Variants in STX8 observed in about 807,000 individuals in gnomAD.
STX8 encodes syntaxin 8.
STX8 carries 23 observed loss-of-function variants against 37.5 expected under a neutral mutation model. The ratio of observed to expected loss-of-function variants is 0.61; its 90% CI spans 0.44 to 0.87. STX8 has a LOEUF of 0.87. Ranked by LOEUF, STX8 falls within the 40% of genes least tolerant of loss-of-function variation. STX8 has a pLI of 0.00. For synonymous variants in STX8, 115 were observed against 99.1 expected, an observed-to-expected ratio of 1.16 and a Z score of -0.95; for missense variants, 313 against 284.7, an observed-to-expected ratio of 1.10 and a Z score of -0.71.
At chr17:9,465,515 GTGCGTGGTGAAAAGGAAATTT>G (rs1195767238) in intron 6 of STX8, among the ~76,000 whole-genome samples, 1 of 152,172 alleles carries the variant, frequency 6.6e-6, no homozygotes, top group Non-Finnish European at 1.5e-5. Flanking sequence ...GGGATGAATT[GTGCGTGGTGAAAAGGAAATTT>G]TGTGTGCCGG....
chr17:9,436,454 G>A (rs1049477397), intron 6 of STX8, among the ~76,000 whole-genome samples: 8 of 152,130 alleles, frequency 5.3e-5, no homozygotes, highest in South Asian at 2.1e-4. Context: ...GTAGAATGGG[G>A]AAAGTACACT....
rs577231873 is a variant in STX8 at position 9,375,847 on chromosome 17, G to A, written c.643+2705C>T. Among the ~76,000 whole-genome samples the A allele has an allele frequency of 3.3e-5, 5 of 152,218 alleles. No homozygotes were observed. The South Asian group carries it at 8.3e-4, about 25-fold the overall frequency. On this transcript the variant is annotated intron_variant, in intron 7 of 7. Transcript: ENST00000306357. ...TCCCCATTTCAAAGATGGGAAAATC[G>A]TGGCAAAAGGGAGTTTAGGCTTTCC... is the stretch of plus-strand genomic sequence containing the variant.
intron 7 of STX8, among the ~76,000 whole-genome samples, chr17:9,302,989 TAAAA>T (rs34429298): frequency 1.0e-4 from 13 of 129,436 alleles, no homozygotes; most frequent in Middle Eastern, 4.0e-3. Context: ...TAATATAGAT[TAAAA>T]AAAAAAAAAA....
chr17:9,456,364 T>C (rs901753944), intron 6 of STX8, among the ~76,000 whole-genome samples: 3 of 152,164 alleles, frequency 2.0e-5, no homozygotes, highest in Non-Finnish European at 4.4e-5. Context: ...AGAAAAGGCA[T>C]GGAAACCAAA....
At chr17:9,281,494 C>T (rs1381926501) in intron 7 of STX8, among the ~76,000 whole-genome samples, 1 of 151,710 alleles carries the variant, frequency 6.6e-6, no homozygotes, top group African/African-American at 2.4e-5. Flanking sequence ...ATTTGGTTTT[C>T]TTCCACTGGG....
At chr17:9,313,273 A>G (rs1909259430) in intron 7 of STX8, among the ~76,000 whole-genome samples, 1 of 152,192 alleles carries the variant, frequency 6.6e-6, no homozygotes, top group African/African-American at 2.4e-5. Context: ...GTGATAAGAA[A>G]GTCAAAACGT....
At chr17:9,454,391 C>T (rs987374175) in intron 6 of STX8, among the ~76,000 whole-genome samples, 22 of 152,054 alleles carry the variant, frequency 1.4e-4, no homozygotes, top group Non-Finnish European at 1.0e-4. Flanking sequence ...ACTTATGGGC[C>T]GGGCTGGCCG....
chr17:9,551,956 A>G (rs1335210382), intron 3 of STX8, among the ~76,000 whole-genome samples: 1 of 150,402 alleles, frequency 6.6e-6, no homozygotes, highest in Non-Finnish European at 1.5e-5. Context: ...ATGTTCAAGA[A>G]AAAAAAAAAG....
At chr17:9,466,014 A>C (rs771294702) in intron 6 of STX8, among the ~76,000 whole-genome samples, 1 of 151,674 alleles carries the variant, frequency 6.6e-6, no homozygotes, top group Non-Finnish European at 1.5e-5. Context: ...CTTGTTGCCC[A>C]GGCTGGAGTG....
chr17:9,440,588 G>A (rs554117551), intron 6 of STX8, among the ~76,000 whole-genome samples: 80 of 150,306 alleles, frequency 5.3e-4, no homozygotes, highest in South Asian at 2.1e-4. Flanking sequence ...GCAGTGGTGC[G>A]ATCTCGGCTC....
At chr17:9,322,423 G>C (rs1909604573) in intron 7 of STX8, among the ~76,000 whole-genome samples, 1 of 152,194 alleles carries the variant, frequency 6.6e-6, no homozygotes, top group Non-Finnish European at 1.5e-5. Context: ...GAGTTCCTTA[G>C]GACTCACAGC....
chr17:9,546,903 T>TTTTTG (rs1332872963), intron 3 of STX8, among the ~76,000 whole-genome samples: 9 of 118,936 alleles, frequency 7.6e-5, no homozygotes, highest in Admixed American at 3.1e-4. Flanking sequence ...AGACACAAGT[T>TTTTTG]TTTGTTTGTT....
chr17:9,275,182 C>A (rs1292801204), intron 7 of STX8, among the ~76,000 whole-genome samples: 5 of 152,164 alleles, frequency 3.3e-5, no homozygotes, highest in African/African-American at 1.2e-4. Flanking sequence ...CTCTTGAGCT[C>A]CGGCCTCCCA....
At chr17:9,405,230 T>C (rs1163918083) in intron 6 of STX8, among the ~76,000 whole-genome samples, 3 of 152,150 alleles carry the variant, frequency 2.0e-5, no homozygotes, top group Non-Finnish European at 2.9e-5. Context: ...TTCTGTAGAG[T>C]ACCACGTGTA....
At chr17:9,437,014 A>C (rs1374056132) in intron 6 of STX8, among the ~76,000 whole-genome samples, 1 of 152,234 alleles carries the variant, frequency 6.6e-6, no homozygotes, top group Non-Finnish European at 1.5e-5. Context: ...GGGTATTATG[A>C]AGCATAAATC....
chr17:9,415,093 C>T (rs1053510558), intron 6 of STX8, among the ~76,000 whole-genome samples: 1 of 151,918 alleles, frequency 6.6e-6, no homozygotes, highest in African/African-American at 2.4e-5. Context: ...GCCCGGTCTG[C>T]CTGAGTTCTG....
rs769839606 is a variant in STX8 at position 9,335,396 on chromosome 17, A to G, written c.643+43156T>C. On this transcript the variant is annotated intron_variant, in intron 7 of 7. Coordinates refer to ENST00000306357, the MANE Select transcript of STX8 (RefSeq NM_004853.3). ...TCTAACATAAGTAACCCACTTGGTG[A>G]TAACAGCACTAATCCACTGATGAGG... Among the ~76,000 whole-genome samples, 118 of 152,236 alleles carry G rather than the reference A, an allele frequency of 7.8e-4. 1 individual carries two copies. Among genetic ancestry groups the G allele is most frequent in the Admixed American group, 2.0e-4 (3 of 15,282 alleles).
intron 7 of STX8, among the ~76,000 whole-genome samples, chr17:9,327,365 GGGAGAAGGA>G (rs141190609): frequency 0.028 from 4,233 of 149,584 alleles, 208 homozygotes; most frequent in African/African-American, 0.099. Context: ...GAGAGGGAGA[GGGAGAAGGA>G]GGAGAAGGAG....
intron 7 of STX8, among the ~76,000 whole-genome samples, chr17:9,316,966 G>A (rs530125742): frequency 2.6e-5 from 4 of 152,198 alleles, no homozygotes; most frequent in Non-Finnish European, 5.9e-5. Flanking sequence ...AAGCATTGCG[G>A]GTGAGGAGAG....
Sources: gnomAD v4.1 joint callset for allele counts (sites outside exome capture counted in the v4.1 genomes callset) on GRCh38, gnomAD v4.1.1 for gene constraint, MANE v1.5 for transcripts, NCBI Gene and HGNC (gene_info 2026-07-23, HGNC 2026-07-21) for gene names.